SORCS1: variants seen among roughly 807,000 people sequenced by gnomAD.
SORCS1 encodes sortilin related VPS10 domain containing receptor 1, also known as VPS10 domain-containing receptor SorCS1.
SORCS1 carries 60 observed loss-of-function variants against 146.1 expected under a neutral mutation model. That is an observed-to-expected ratio of 0.41 (90% CI 0.33 to 0.51). SORCS1 has a LOEUF of 0.51. Among genes scored for constraint, SORCS1 ranks in the 20% least tolerant of loss-of-function variants. The pLI, the probability that SORCS1 is intolerant of heterozygous loss-of-function variation, is 0.21. For synonymous variants in SORCS1, 637 were observed against 584.0 expected, an observed-to-expected ratio of 1.09 and a Z score of -1.31; for missense variants, 1,352 against 1,487.6, an observed-to-expected ratio of 0.91 and a Z score of 1.50.
chr10:106,690,134 T>C (rs1791486684), intron 9 of SORCS1, among the ~76,000 whole-genome samples: 1 of 152,212 alleles, frequency 6.6e-6, no homozygotes, highest in South Asian at 2.1e-4. Context: ...AGTGTGTTAA[T>C]TACAAATAAT....
intron 2 of SORCS1, among the ~76,000 whole-genome samples, chr10:106,879,878 T>C (rs1950745050): frequency 6.6e-6 from 1 of 152,354 alleles, no homozygotes. Context: ...AGCCAGCTGA[T>C]ACCTTAACAT....
chr10:106,907,730 C>A (rs1245560504), intron 2 of SORCS1, among the ~76,000 whole-genome samples: 1 of 151,934 alleles, frequency 6.6e-6, no homozygotes, highest in Non-Finnish European at 1.5e-5. Context: ...AGTTTGAGAC[C>A]AGCCCGACCA....
At chr10:106,976,629 C>A (rs1956036571) in intron 1 of SORCS1, among the ~76,000 whole-genome samples, 1 of 152,160 alleles carries the variant, frequency 6.6e-6, no homozygotes, top group Non-Finnish European at 1.5e-5. Context: ...CCGCGCCCGG[C>A]TGCCATCATC....
chr10:106,891,353 G>A (rs1394419606), intron 2 of SORCS1, among the ~76,000 whole-genome samples: 1 of 152,092 alleles, frequency 6.6e-6, no homozygotes, highest in Non-Finnish European at 1.5e-5. Context: ...TTAGCAAAAA[G>A]TTGATAGAGT....
At chr10:106,690,469 C>A (rs555593617) in intron 9 of SORCS1, among the ~76,000 whole-genome samples, 2 of 152,322 alleles carry the variant, frequency 1.3e-5, no homozygotes, top group South Asian at 4.1e-4. Flanking sequence ...GGCAAGGGTG[C>A]CAGCGCAGGG....
intron 6 of SORCS1, among the ~76,000 whole-genome samples, chr10:106,725,148 A>G (rs1351490370): frequency 6.6e-6 from 1 of 152,056 alleles, no homozygotes; most frequent in Non-Finnish European, 1.5e-5. Flanking sequence ...TCAAAACAAA[A>G]CAAAACAAAA....
chr10:107,021,355 G>A (rs550733802), intron 1 of SORCS1, among the ~76,000 whole-genome samples: 4 of 150,558 alleles, frequency 2.7e-5, no homozygotes, highest in Admixed American at 6.6e-5. Flanking sequence ...TACTAAAAAC[G>A]CAAAAAAAAT....
intron 1 of SORCS1, among the ~76,000 whole-genome samples, chr10:107,104,472 A>G (rs543039075): frequency 6.6e-6 from 1 of 152,324 alleles, no homozygotes; most frequent in Non-Finnish European, 1.5e-5. Flanking sequence ...ATGGCAGACC[A>G]GTCACCTCTC....
At chr10:107,010,322 T>A (rs11193162) in intron 1 of SORCS1, among the ~76,000 whole-genome samples, 18,147 of 152,064 alleles carry the variant, frequency 0.12, 2,667 homozygotes, top group African/African-American at 0.35. Flanking sequence ...GGCCAGAAAA[T>A]TTTTCAAACA....
At chr10:106,733,074 C>G (rs1484156801) in intron 5 of SORCS1, among the ~76,000 whole-genome samples, 3 of 144,234 alleles carry the variant, frequency 2.1e-5, no homozygotes, top group South Asian at 2.2e-4. Context: ...CACTGCTGTA[C>G]TCTAGCATGG....
At chr10:106,649,039 C>T (rs1445106067) in intron 18 of SORCS1, among the ~76,000 whole-genome samples, 1 of 152,132 alleles carries the variant, frequency 6.6e-6, no homozygotes, top group Non-Finnish European at 1.5e-5. Context: ...CCTTCCCACT[C>T]CATCCCCTTC....
chr10:106,622,327 C>T (rs896843488), intron 19 of SORCS1, among the ~76,000 whole-genome samples: 2 of 147,946 alleles, frequency 1.4e-5, no homozygotes, highest in Non-Finnish European at 3.0e-5. Flanking sequence ...TCCCATGATC[C>T]AATTATGATA....
At chr10:106,942,206 C>T (rs919481422) in intron 2 of SORCS1, among the ~76,000 whole-genome samples, 2 of 152,178 alleles carry the variant, frequency 1.3e-5, no homozygotes, top group Non-Finnish European at 2.9e-5. Context: ...AATTCACACT[C>T]CTCTGGGTAT....
chr10:106,882,100 G>T (rs1950823289), intron 2 of SORCS1, among the ~76,000 whole-genome samples: 2 of 152,214 alleles, frequency 1.3e-5, no homozygotes, highest in Admixed American at 1.3e-4. Context: ...GATACCTGGA[G>T]AATGAACTGC....
chr10:107,119,065 T>A (rs955116619), intron 1 of SORCS1, among the ~76,000 whole-genome samples: 9 of 152,164 alleles, frequency 5.9e-5, no homozygotes, highest in Non-Finnish European at 1.2e-4. Flanking sequence ...GAAAGCTATA[T>A]ACCATAATGA....
At chr10:106,670,621 GT>G (rs1303497555) in intron 16 of SORCS1, among the ~76,000 whole-genome samples, 1 of 151,694 alleles carries the variant, frequency 6.6e-6, no homozygotes, top group East Asian at 1.9e-4. Context: ...GAGCATAGAT[GT>G]TTGTTTGCTC....
chr10:106,805,081 C>T (rs1410480892), intron 3 of SORCS1, among the ~76,000 whole-genome samples: 2 of 152,160 alleles, frequency 1.3e-5, no homozygotes, highest in African/African-American at 4.8e-5. Flanking sequence ...ACAGATTTAT[C>T]ACTCCCCAGG....
chr10:106,636,190 G>A (rs1589530839), intron 18 of SORCS1, among the ~76,000 whole-genome samples: 2 of 152,072 alleles, frequency 1.3e-5, no homozygotes, highest in East Asian at 3.9e-4. Flanking sequence ...AGCCCGGGAA[G>A]TCAAGGCTGT....
rs564046842 is a variant in SORCS1 at position 107,055,050 on chromosome 10, G to T, written c.559-98470C>A. On this transcript the variant is annotated intron_variant, in intron 1 of 25. Transcript: ENST00000263054. ...CAGAGAATGTGCTGAGGACCAGGGGGAGCTGAAATATAATGCTGGAAGAGC... is the reference window on the plus strand; with the variant it reads ...CAGAGAATGTGCTGAGGACCAGGGGTAGCTGAAATATAATGCTGGAAGAGC... Among the ~76,000 whole-genome samples the T allele has an allele frequency of 4.6e-5, 7 of 152,282 alleles. No homozygotes were observed. In the Middle Eastern group the frequency reaches 0.01, roughly 222 times the overall value.
Sources: gnomAD v4.1 joint callset for allele counts (sites outside exome capture counted in the v4.1 genomes callset) on GRCh38, gnomAD v4.1.1 for gene constraint, MANE v1.5 for transcripts, NCBI Gene and HGNC (gene_info 2026-07-23, HGNC 2026-07-21) for gene names.